SCAF11: variants seen among roughly 807,000 people sequenced by gnomAD.
SCAF11 encodes SR-related CTD associated factor 11.
Under a neutral mutation model 140.5 loss-of-function variants are expected in SCAF11, and 47 were observed. The ratio of observed to expected loss-of-function variants is 0.33; its 90% CI spans 0.26 to 0.43. The LOEUF is 0.43. SCAF11 is among the 20% of genes least tolerant of loss of function. The pLI, the probability that SCAF11 is intolerant of heterozygous loss-of-function variation, is 1.00. For synonymous variants in SCAF11, 557 were observed against 579.4 expected (o/e 0.96, Z 0.55); for missense variants, 1,645 against 1,705.1 (o/e 0.96, Z 0.62).
chr12:45,972,935 T>TATATAGATATATAG (rs1255905112), intron 1 of SCAF11, among the ~76,000 whole-genome samples: 1 of 53,274 alleles, frequency 1.9e-5, no homozygotes, highest in African/African-American at 9.2e-5. Context: ...TATAGATATA[T>TATATAGATATATAG]ATAGATATAT....
chr12:45,950,222 C>T (rs1345852619), intron 4 of SCAF11, among the ~76,000 whole-genome samples: 1 of 151,794 alleles, frequency 6.6e-6, no homozygotes, highest in Non-Finnish European at 1.5e-5. Flanking sequence ...TCTATGGGAA[C>T]TGAAAAGTGA....
intron 1 of SCAF11, among the ~76,000 whole-genome samples, chr12:45,989,503 T>G (rs746045222): frequency 1.1e-4 from 17 of 152,258 alleles, no homozygotes; most frequent in Non-Finnish European, 1.9e-4. Flanking sequence ...AATTCAACAT[T>G]TGAATCCGTG....
intron 1 of SCAF11, among the ~76,000 whole-genome samples, chr12:45,981,885 A>G (rs776575971): frequency 1.3e-5 from 2 of 152,178 alleles, no homozygotes; most frequent in African/African-American, 2.4e-5. Flanking sequence ...CACCAATTAA[A>G]AGAGATTATC....
intron 3 of SCAF11, among the ~76,000 whole-genome samples, chr12:45,952,447 C>T (rs1319918334): frequency 3.9e-5 from 6 of 152,038 alleles, no homozygotes; most frequent in African/African-American, 1.4e-4. Flanking sequence ...AAGGACTATC[C>T]AAAGTTCCTT....
upstream of SCAF11, among the ~76,000 whole-genome samples, chr12:45,991,229 C>G (rs1946603244): frequency 6.6e-6 from 1 of 152,108 alleles, no homozygotes; most frequent in Non-Finnish European, 1.5e-5. Context: ...CCTGACTCCC[C>G]GAGCCTAGGG....
chr12:45,967,999 T>G (rs1432615899), intron 1 of SCAF11, among the ~76,000 whole-genome samples: 2 of 152,186 alleles, frequency 1.3e-5, no homozygotes, highest in African/African-American at 4.8e-5. Context: ...TAGCCAGTAA[T>G]TTGTGGTCAA....
At position 45,927,991 on chromosome 12, in the gene SCAF11, G is replaced by A. The variant is rs934619026; in HGVS notation, c.1710C>T (p.Asp570=). Residue 570 remains aspartate, a synonymous_variant, in exon 11 of 15, where the codon GAC becomes GAT. Coordinates refer to ENST00000369367, the MANE Select transcript of SCAF11 (RefSeq NM_004719.3). The part of the protein sequence containing the change: ...VYQPVSCPLS[D]LSENVESVVN... ...CCACTGACTCTACATTCTCAGATAA[G>A]TCACTTAGGGGACAAGATACAGGTT... 4 of 1,613,102 alleles carry A rather than the reference G, an allele frequency of 2.5e-6. No homozygotes were observed. Among genetic ancestry groups the A allele is most frequent in the Non-Finnish European group, 2.5e-6 (3 of 1,179,992 alleles).
chr12:45,944,140 C>G (rs1034420871), intron 6 of SCAF11, among the ~76,000 whole-genome samples: 3 of 152,126 alleles, frequency 2.0e-5, no homozygotes, highest in African/African-American at 7.2e-5. Context: ...ATCATTTAAT[C>G]TTCCTCAGCA....
chr12:45,972,959 G>GATATATAGATATAGATATATAGAT (rs1946136318), intron 1 of SCAF11, among the ~76,000 whole-genome samples: 1 of 117,924 alleles, frequency 8.5e-6, no homozygotes, highest in African/African-American at 3.6e-5. Flanking sequence ...TAGATATATA[G>GATATATAGATATAGATATATAGAT]ATATATATAT....
intron 1 of SCAF11, among the ~76,000 whole-genome samples, chr12:45,983,783 AC>A (rs1946400886): frequency 6.6e-6 from 1 of 151,554 alleles, no homozygotes; most frequent in South Asian, 2.1e-4. Context: ...ACACACACAC[AC>A]AAAGACTGAA....
chr12:45,923,004 C>T lies in SCAF11; in HGVS notation c.4057G>A (p.Val1353Ile). 6.2e-7 allele frequency: 1 copy of T among 1,614,196 alleles called. No individual in the cohort carries two copies. Among genetic ancestry groups the T allele is most frequent in the South Asian group, 1.1e-5 (1 of 91,088 alleles). ...CTTACTTTGCTTTCTGCCAATTTTA[C>T]AGCAGCATTAGAGGCTTTGCTGTGA... ...SSHSKASNAA[V>I]KLAESKVSVA... Residue 1353 changes from valine to isoleucine, a missense_variant, in exon 13 of 15, where the codon GTA (valine) becomes ATA (isoleucine). Val to Ile is a conservative substitution (Grantham distance 29). Around this residue, in one of 2 missense-constraint regions of SCAF11, gnomAD observed 1,582 missense variants for 1,609.2 expected, o/e 0.98. Transcript: ENST00000369367.
At chr12:45,947,208 A>T (rs1438604288) in intron 5 of SCAF11, among the ~76,000 whole-genome samples, 1 of 152,186 alleles carries the variant, frequency 6.6e-6, no homozygotes, top group Non-Finnish European at 1.5e-5. Flanking sequence ...CTCTAAATAC[A>T]TTTCAGATCA....
intron 1 of SCAF11, among the ~76,000 whole-genome samples, chr12:45,986,415 T>A (rs899925664): frequency 6.6e-6 from 1 of 152,062 alleles, no homozygotes; most frequent in Non-Finnish European, 1.5e-5. Flanking sequence ...ACTGAGCCCA[T>A]CTCCACAATT....
At chr12:45,962,726 CG>C in intron 2 of SCAF11, among the ~76,000 whole-genome samples, 1 of 152,280 alleles carries the variant, frequency 6.6e-6, no homozygotes, top group Middle Eastern at 3.4e-3. Flanking sequence ...GCCTTAGAAC[CG>C]CTTCAGGAAG....
intron 12 of SCAF11, among the ~76,000 whole-genome samples, chr12:45,924,314 T>C (rs888788318): frequency 6.6e-6 from 1 of 152,228 alleles, no homozygotes; most frequent in African/African-American, 2.4e-5. Flanking sequence ...ATCCAGTGTT[T>C]GTCTGAACAA....
At chr12:45,963,422 GA>G (rs986103598) in intron 2 of SCAF11, among the ~76,000 whole-genome samples, 2 of 150,580 alleles carry the variant, frequency 1.3e-5, no homozygotes, top group African/African-American at 2.4e-5. Context: ...GACAGCAAGG[GA>G]AAAAAAATGA....
intron 2 of SCAF11, 79 bp downstream of exon 2, chr12:45,964,028 C>A: frequency 1.4e-6 from 1 of 730,666 alleles, no homozygotes. Flanking sequence ...CCTGTGTATT[C>A]TGAAATGTAT....
At position 45,928,666 on chromosome 12, in the gene SCAF11, C is replaced by A. The variant is rs10880868; in HGVS notation, c.1035G>T (p.Gly345=). The A allele has an allele frequency of 2.5e-6, 4 of 1,613,794 alleles. No individual in the cohort carries two copies. The highest frequency in any genetic ancestry group is 3.4e-6 in the Non-Finnish European group (4 of 1,179,934). Residue 345 remains glycine (G), a synonymous_variant, in exon 11 of 15, where the codon GGG becomes GGT. Transcript: ENST00000369367. ...SQRSPISDNS[G]CDAPGNSNPS... is the part of the protein sequence containing the mutation. Reference sequence around the variant, plus strand: ...GATTACTGTTACCTGGGGCATCACACCCAGAATTGTCTGATATTGGGGATC... The same window carrying A: ...GATTACTGTTACCTGGGGCATCACAACCAGAATTGTCTGATATTGGGGATC...
chr12:45,926,819 C>G lies in SCAF11; in HGVS notation c.2882G>C (p.Ser961Thr). The G allele has an allele frequency of 6.2e-7, 1 of 1,614,156 alleles. No individual in the cohort carries two copies. The highest frequency in any genetic ancestry group is 1.3e-5 in the African/African-American group (1 of 75,042). Residue 961 changes from serine to threonine, a missense_variant, in exon 11 of 15, where the codon AGT becomes ACT. Coordinates refer to ENST00000369367, the MANE Select transcript of SCAF11 (RefSeq NM_004719.3). ...SSSFGRIDRDSYSPRWKGRWA... is the reference protein window; with the variant it reads ...SSSFGRIDRDTYSPRWKGRWA... ...TCTTCCCTTCCACCGGGGAGAGTAACTATCTCTGTCAATTCTACCAAATGA... is the reference window on the plus strand; with the variant it reads ...TCTTCCCTTCCACCGGGGAGAGTAAGTATCTCTGTCAATTCTACCAAATGA...
Sources: gnomAD v4.1 joint callset for allele counts (sites outside exome capture counted in the v4.1 genomes callset) on GRCh38, gnomAD v4.1.1 for gene constraint, gnomAD v4.1.1 regional missense constraint, MANE v1.5 for transcripts, NCBI Gene and HGNC (gene_info 2026-07-23, HGNC 2026-07-21) for gene names.